The following ACSM3 variants were observed in gnomAD, a reference collection of about 807,000 sequenced individuals.
The protein encoded by ACSM3 is acyl-coenzyme A synthetase ACSM3, mitochondrial.
In ACSM3, 61 loss-of-function variants were observed where a neutral mutation model predicts 74.1. The observed-to-expected ratio is 0.82, with a 90% confidence interval of 0.67 to 1.02. ACSM3 has a LOEUF of 1.02. ACSM3 is among the 50% of genes least tolerant of loss of function. ACSM3 has a pLI of 0.00. For missense variants in ACSM3, 660 were observed against 697.0 expected (o/e 0.95, Z 0.60); for synonymous variants, 213 against 241.5 (o/e 0.88, Z 1.09).
intron 9 of ACSM3, chr16:20,789,539 GGT>G (rs1170674459): frequency 1.9e-6 from 3 of 1,612,934 alleles, no homozygotes; most frequent in Non-Finnish European, 2.5e-6. Context: ...TCTGAAGTAA[GGT>G]TCTGTAGGTT....
intron 5 of ACSM3, 57 bp downstream of exon 5, chr16:20,780,914 T>C (rs1194288314): frequency 4.3e-6 from 7 of 1,612,762 alleles, no homozygotes; most frequent in African/African-American, 4.0e-5. Context: ...TGATGACTTA[T>C]GTACTGGTCT....
intron 9 of ACSM3, chr16:20,789,690 T>C (rs1031425129): frequency 9.0e-5 from 55 of 613,546 alleles, no homozygotes; most frequent in African/African-American, 3.6e-4. Flanking sequence ...TTTTCTTTTT[T>C]TTTTTTTTTT....
intron 1 of ACSM3, among the ~76,000 whole-genome samples, chr16:20,726,676 G>GCCC (rs2079807316): frequency 1.3e-5 from 2 of 152,158 alleles, no homozygotes; most frequent in Non-Finnish European, 2.9e-5. Context: ...AATCAAACAG[G>GCCC]CAGGGCCCTA....
chr16:20,741,452 T>C, intron 1 of ACSM3: 1 of 1,472,866 alleles, frequency 6.8e-7, no homozygotes, highest in Non-Finnish European at 9.0e-7. Flanking sequence ...CCCTCCACCC[T>C]TCCCTCCTCC....
rs7196188 is a variant in ACSM3, at chr16:20,781,113, C to A, written c.922C>A (p.Pro308Thr). ...VFTHHLPRFE[P>T]TSILQTLSKY... ...CACACACCATTTACCCCGTTTTGAG[C>A]CGACTTCTATCTTGCAAGTAAGCCA... Residue 308 changes from proline (P) to threonine (T), a missense_variant, in exon 6 of 14, where the codon CCG (proline) becomes ACG (threonine). Transcript: ENST00000289416. 3.9e-3 allele frequency: 6,222 copies of A among 1,613,916 alleles called. 227 individuals carry two copies. In the African/African-American group the frequency reaches 0.072, roughly 19 times the overall value.
At chr16:20,723,851 G>A (rs2152396912) in intron 1 of ACSM3, among the ~76,000 whole-genome samples, 1 of 152,248 alleles carries the variant, frequency 6.6e-6, no homozygotes, top group African/African-American at 2.4e-5. Context: ...TCTGATGGTG[G>A]TTTCTTTTGC....
Position 20,753,287 on chromosome 16 carries a change from A to G in ACSM3, c.-95-2286A>G, listed in dbSNP as rs1260282820. Among the ~76,000 whole-genome samples the G allele has an allele frequency of 3.3e-5, 5 of 152,120 alleles. 1 individual carries two copies. The South Asian group carries it at 1.0e-3, about 32-fold the overall frequency. ...GAGACCAGCCCGGCCAACATGGTGA[A>G]ACCCCGTCTCTACTAAAAATACAAA... On this transcript the variant is annotated intron_variant, in intron 2 of 3. Coordinates refer to the ACSM3 transcript ENST00000561584.
chr16:20,779,425 C>CA (rs3050137), intron 4 of ACSM3, among the ~76,000 whole-genome samples: 23,854 of 131,746 alleles, frequency 0.18, 2,381 homozygotes, highest in East Asian at 0.42. Flanking sequence ...AACCCTGTCT[C>CA]AAAAAAAAAA....
chr16:20,742,811 A>T (rs1292390569), intron 1 of ACSM3, among the ~76,000 whole-genome samples: 168 of 33,002 alleles, frequency 5.1e-3, no homozygotes, highest in East Asian at 0.02. Flanking sequence ...ATATATATAT[A>T]TATTTTTTTT....
intron 2 of ACSM3, among the ~76,000 whole-genome samples, chr16:20,755,006 G>C (rs2080017868): frequency 6.6e-6 from 1 of 152,120 alleles, no homozygotes; most frequent in Non-Finnish European, 1.5e-5. Flanking sequence ...AGAAGGCCAA[G>C]CAGGGAACAG....
Position 20,777,769 on chromosome 16 carries a change from T to G in ACSM3, c.638+189T>G, listed in dbSNP as rs78605887. On this transcript the variant is annotated intron_variant, in intron 4 of 13. Transcript: ENST00000289416. ...GGAGCTTGGAGTGCTTTTTGTAGGTTGGGATCCCCTGAGATTGGAGATTGG... is the reference window on the plus strand; with the variant it reads ...GGAGCTTGGAGTGCTTTTTGTAGGTGGGGATCCCCTGAGATTGGAGATTGG... Among the ~76,000 whole-genome samples, 152 of 152,348 alleles carry G rather than the reference T, an allele frequency of 1.0e-3. 1 individual carries two copies. The East Asian group carries it at 0.025, about 25-fold the overall frequency.
intron 1 of ACSM3, chr16:20,731,608 T>G: frequency 3.2e-6 from 1 of 312,966 alleles, no homozygotes; most frequent in Non-Finnish European, 5.9e-6. Context: ...CAAGATAAAT[T>G]ATCTGTTGCA....
intron 1 of ACSM3, among the ~76,000 whole-genome samples, chr16:20,698,158 C>T (rs947368450): frequency 2.0e-5 from 3 of 147,374 alleles, no homozygotes; most frequent in African/African-American, 7.6e-5. Context: ...CATGCCACTG[C>T]ACTCCAGCCT....
intron 1 of ACSM3, among the ~76,000 whole-genome samples, chr16:20,694,266 G>A (rs375114105): frequency 1.3e-5 from 2 of 152,198 alleles, no homozygotes; most frequent in Admixed American, 1.3e-4. Context: ...GGGTGGATGC[G>A]TCAGGTTATA....
intron 6 of ACSM3, 148 bp downstream of exon 6, chr16:20,781,278 A>C (rs1214821969): frequency 9.9e-7 from 1 of 1,010,334 alleles, no homozygotes; most frequent in East Asian, 2.6e-5. Flanking sequence ...GCCTGAAAAG[A>C]TACACTCGGC....
intron 2 of ACSM3, among the ~76,000 whole-genome samples, chr16:20,775,265 G>A (rs746134431): frequency 6.6e-6 from 1 of 152,136 alleles, no homozygotes; most frequent in African/African-American, 2.4e-5. Flanking sequence ...TAGCAGCTCG[G>A]GTCCTGGGGT....
At chr16:20,737,570 A>G (rs933688191) in intron 1 of ACSM3, 1 of 900,106 alleles carries the variant, frequency 1.1e-6, no homozygotes, top group Non-Finnish European at 1.6e-6. Context: ...CAGTTGATTT[A>G]ATACTATTTT....
chr16:20,728,327 A>G (rs2079813868), intron 1 of ACSM3: 2 of 880,292 alleles, frequency 2.3e-6, no homozygotes, highest in South Asian at 3.0e-5. Flanking sequence ...AACTATTTAC[A>G]ACCTGCTTTC....
rs115556506 is a variant in ACSM3, at chr16:20,738,768, T to C, written c.-189-11142T>C. On this transcript the variant is annotated intron_variant, in intron 1 of 3. Transcript: ENST00000561584. ...CTCCACAGGCCAACTGCTAATACAG[T>C]GTACAGAAGCTGCCATCAAATGATT... 2.1e-3 allele frequency: 2,242 copies of C among 1,046,752 alleles called. 24 individuals carry two copies. The African/African-American group carries it at 0.029, about 14-fold the overall frequency. The allele number at this position is 1,046,752 out of a possible 1,614,324, so 64.8% of individuals were successfully genotyped here.
Sources: gnomAD v4.1 joint callset for allele counts (sites outside exome capture counted in the v4.1 genomes callset) on GRCh38, gnomAD v4.1.1 for gene constraint, MANE v1.5 for transcripts, NCBI Gene and HGNC (gene_info 2026-07-23, HGNC 2026-07-21) for gene names.